Variants in TNRC6A observed in about 807,000 individuals in gnomAD.
TNRC6A encodes trinucleotide repeat-containing gene 6A protein.
Under a neutral mutation model 221.2 loss-of-function variants are expected in TNRC6A, and 44 were observed. The ratio of observed to expected loss-of-function variants is 0.20; its 90% confidence interval spans 0.16 to 0.26. TNRC6A has a LOEUF of 0.26. Ranked by LOEUF, TNRC6A falls within the 10% of genes least tolerant of loss-of-function variation. The pLI is 1.00. For synonymous variants in TNRC6A, 847 were observed against 838.5 expected, an observed-to-expected ratio of 1.01 and a Z score of -0.18; for missense variants, 2,199 against 2,404.4, an observed-to-expected ratio of 0.91 and a Z score of 1.79.
At chr16:24,629,655 C>T (rs939608072) in intron 1 of TNRC6A, among the ~76,000 whole-genome samples, 14 of 152,126 alleles carry the variant, frequency 9.2e-5, no homozygotes, top group African/African-American at 3.4e-4. Flanking sequence ...CATTTATTAG[C>T]CTTTTTTAAA....
At position 24,771,031 on chromosome 16, in the gene TNRC6A, G is replaced by A. The variant is rs564976930; in HGVS notation, c.164-5902G>A. Among the ~76,000 whole-genome samples the A allele has an allele frequency of 4.6e-5, 7 of 152,304 alleles. No homozygotes were observed. The South Asian group carries it at 8.3e-4, about 18-fold the overall frequency. On this transcript the variant is annotated intron_variant, in intron 4 of 24. Coordinates refer to ENST00000395799, the MANE Select transcript of TNRC6A (RefSeq NM_014494.4). ...ATACCACAACAAATTGGATGCAGGC[G>A]CATATGTGATAATCCACCTACCTTC...
intron 2 of TNRC6A, among the ~76,000 whole-genome samples, chr16:24,713,808 TTC>T (rs751528244): frequency 0.74 from 111,577 of 151,318 alleles, 41,394 homozygotes; most frequent in East Asian, 0.89. Context: ...TACAACTCTG[TTC>T]AATCTTTGTA....
intron 11 of TNRC6A, among the ~76,000 whole-genome samples, chr16:24,800,778 A>G (rs1284492589): frequency 2.0e-5 from 3 of 152,056 alleles, no homozygotes; most frequent in Admixed American, 2.0e-4. Context: ...ATGCTGGGAG[A>G]AGCTCCCACA....
intron 2 of TNRC6A, among the ~76,000 whole-genome samples, chr16:24,732,158 G>A (rs533342811): frequency 1.3e-5 from 2 of 152,252 alleles, no homozygotes; most frequent in South Asian, 2.1e-4. Flanking sequence ...TCCAATGAGA[G>A]GGGAGCATTT....
chr16:24,650,536 G>T (rs983261837), intron 2 of TNRC6A, among the ~76,000 whole-genome samples: 1 of 152,068 alleles, frequency 6.6e-6, no homozygotes, highest in African/African-American at 2.4e-5. Context: ...ACGGTGGCAG[G>T]TGCCTGTAAG....
At chr16:24,767,868 T>G (rs989204926) in intron 4 of TNRC6A, among the ~76,000 whole-genome samples, 1 of 152,200 alleles carries the variant, frequency 6.6e-6, no homozygotes, top group African/African-American at 2.4e-5. Context: ...GTTTATGTTT[T>G]TTCTTATTTT....
chr16:24,648,130 G>T (rs1359139804), intron 2 of TNRC6A, among the ~76,000 whole-genome samples: 2 of 152,046 alleles, frequency 1.3e-5, no homozygotes. Flanking sequence ...TGGCTATTGG[G>T]AATAATGCTG....
intron 1 of TNRC6A, among the ~76,000 whole-genome samples, chr16:24,627,049 G>A (rs754694182): frequency 1.3e-5 from 2 of 151,080 alleles, no homozygotes; most frequent in African/African-American, 4.9e-5. Context: ...ATTCCATAAA[G>A]TTCAGGAGTA....
chr16:24,641,041 A>T (rs1316280959), intron 2 of TNRC6A: 5 of 152,254 alleles, frequency 3.3e-5, no homozygotes, highest in African/African-American at 9.6e-5. Flanking sequence ...GCCATGGGTC[A>T]GTCCATTCAG....
At chr16:24,673,895 T>C (rs537918794) in intron 2 of TNRC6A, among the ~76,000 whole-genome samples, 3 of 152,308 alleles carry the variant, frequency 2.0e-5, no homozygotes, top group South Asian at 4.1e-4. Flanking sequence ...TAATGGGCAC[T>C]AGCTGAAGTG....
chr16:24,681,312 A>G (rs1433161178), intron 2 of TNRC6A, among the ~76,000 whole-genome samples: 1 of 151,844 alleles, frequency 6.6e-6, no homozygotes, highest in Non-Finnish European at 1.5e-5. Flanking sequence ...ACTGCAGCCT[A>G]CACCTCCTGG....
intron 3 of TNRC6A, among the ~76,000 whole-genome samples, chr16:24,757,529 C>T (rs2057278479): frequency 6.6e-6 from 1 of 152,092 alleles, no homozygotes; most frequent in Non-Finnish European, 1.5e-5. Context: ...TAATATTGAT[C>T]TTGATCAACA....
intron 2 of TNRC6A, among the ~76,000 whole-genome samples, chr16:24,746,040 G>T (rs1180328015): frequency 6.6e-6 from 1 of 151,834 alleles, no homozygotes; most frequent in Non-Finnish European, 1.5e-5. Flanking sequence ...TCCATACTTC[G>T]CTTGTGCCCA....
chr16:24,616,697 G>A (rs1401526372), intron 1 of TNRC6A, among the ~76,000 whole-genome samples: 1 of 152,140 alleles, frequency 6.6e-6, no homozygotes, highest in Non-Finnish European at 1.5e-5. Flanking sequence ...TTGGGAGGCT[G>A]AGAGGCGGGT....
At chr16:24,744,737 A>G (rs1006477020) in intron 2 of TNRC6A, among the ~76,000 whole-genome samples, 1 of 152,194 alleles carries the variant, frequency 6.6e-6, no homozygotes, top group African/African-American at 2.4e-5. Flanking sequence ...GCTAAGAAAT[A>G]TACAGCATTG....
At chr16:24,800,757 G>A (rs2058315608) in intron 11 of TNRC6A, among the ~76,000 whole-genome samples, 1 of 152,332 alleles carries the variant, frequency 6.6e-6, no homozygotes, top group South Asian at 2.1e-4. Flanking sequence ...TGTGATGTAA[G>A]AGGGAGGGGA....
rs911912390 is a variant in TNRC6A, at chr16:24,724,243, T to A, written n.403-26483T>A. Among the ~76,000 whole-genome samples, 12 of 135,512 alleles carry A rather than the reference T, an allele frequency of 8.9e-5. No individual in the cohort carries two copies. The South Asian group carries it at 2.0e-3, about 22-fold the overall frequency. The allele number at this position is 135,512 out of a possible 152,430, so 88.9% of individuals were successfully genotyped here. ...GCTCTGGAAGCAAATCATTTGAGTG[T>A]TTGTTTGTTTGTTTGTCTGTTTTAT... On this transcript the variant is annotated intron_variant and non_coding_transcript_variant, in intron 2 of 2. Transcript: ENST00000566108.
intron 2 of TNRC6A, among the ~76,000 whole-genome samples, chr16:24,678,493 C>CCAGCCAA (rs1284331825): frequency 6.6e-6 from 1 of 152,110 alleles, no homozygotes. Context: ...AGAGAAATCT[C>CCAGCCAA]CAGCCAACAG....
chr16:24,699,633 C>T (rs559637915), intron 2 of TNRC6A, among the ~76,000 whole-genome samples: 1 of 151,362 alleles, frequency 6.6e-6, no homozygotes, highest in Non-Finnish European at 1.5e-5. Context: ...GTGGGAGAAT[C>T]GCCTAAGGTT....
Sources: gnomAD v4.1 joint callset for allele counts (sites outside exome capture counted in the v4.1 genomes callset) on GRCh38, gnomAD v4.1.1 for gene constraint, MANE v1.5 for transcripts, NCBI Gene and HGNC (gene_info 2026-07-23, HGNC 2026-07-21) for gene names.